The following TNRC6A variants were observed in gnomAD, a reference collection of about 807,000 sequenced individuals.
The protein encoded by TNRC6A is trinucleotide repeat containing adaptor 6A.
Under a neutral mutation model 221.2 loss-of-function variants are expected in TNRC6A, and 44 were observed. The observed-to-expected ratio is 0.20, with a 90% CI of 0.16 to 0.26. The LOEUF (loss-of-function observed/expected upper bound fraction) is 0.26. Among genes scored for constraint, TNRC6A ranks in the 10% least tolerant of loss-of-function variants. The pLI is 1.00. For synonymous variants in TNRC6A, 847 were observed against 838.5 expected (o/e 1.01, Z -0.18); for missense variants, 2,199 against 2,404.4 (o/e 0.91, Z 1.79).
At chr16:24,633,838 A>C (rs1261322620) in intron 1 of TNRC6A, among the ~76,000 whole-genome samples, 1 of 150,438 alleles carries the variant, frequency 6.6e-6, no homozygotes, top group Non-Finnish European at 1.5e-5. Context: ...CCTGGAGTGC[A>C]GTGGCATGGT....
At chr16:24,680,651 G>C (rs538458808) in intron 2 of TNRC6A, among the ~76,000 whole-genome samples, 1 of 151,482 alleles carries the variant, frequency 6.6e-6, no homozygotes, top group Non-Finnish European at 1.5e-5. Context: ...TGGAGGCAGA[G>C]GTTGTGGTGA....
chr16:24,767,601 A>G (rs1358634646), intron 4 of TNRC6A, among the ~76,000 whole-genome samples: 2 of 152,210 alleles, frequency 1.3e-5, no homozygotes, highest in East Asian at 3.8e-4. Flanking sequence ...CCAGATTTAG[A>G]AAATAGTTTG....
intron 2 of TNRC6A, among the ~76,000 whole-genome samples, chr16:24,695,086 C>T (rs552063564): frequency 2.0e-4 from 30 of 152,246 alleles, no homozygotes; most frequent in Admixed American, 4.6e-4. Flanking sequence ...CTTGCTGGCA[C>T]GGGAGTGTAC....
intron 21 of TNRC6A, among the ~76,000 whole-genome samples, chr16:24,819,225 C>T (rs562402289): frequency 6.6e-6 from 1 of 152,124 alleles, no homozygotes; most frequent in Non-Finnish European, 1.5e-5. Context: ...TAGCACTGAC[C>T]TAATGCACAC....
chr16:24,679,439 G>A (rs1183433004), intron 2 of TNRC6A, among the ~76,000 whole-genome samples: 2 of 152,008 alleles, frequency 1.3e-5, no homozygotes. Flanking sequence ...AAATAGCTGA[G>A]ACTACAGGCA....
At chr16:24,620,795 T>C (rs1484568466) in intron 1 of TNRC6A, among the ~76,000 whole-genome samples, 1 of 131,718 alleles carries the variant, frequency 7.6e-6, no homozygotes, top group East Asian at 2.3e-4. Context: ...GCAAAAAGAG[T>C]GAAACTCCGG....
At chr16:24,627,315 C>T (rs16973891) in intron 1 of TNRC6A, among the ~76,000 whole-genome samples, 33,400 of 151,868 alleles carry the variant, frequency 0.22, 3,966 homozygotes, top group East Asian at 0.47. Context: ...CAATCCGGGT[C>T]AGCTTTCAAG....
At chr16:24,671,934 A>AAT (rs1410951553) in intron 2 of TNRC6A, among the ~76,000 whole-genome samples, 1 of 152,188 alleles carries the variant, frequency 6.6e-6, no homozygotes, top group Non-Finnish European at 1.5e-5. Flanking sequence ...AACCAAATGC[A>AAT]ATTTCTGATC....
chr16:24,737,956 A>C (rs2056807742), intron 2 of TNRC6A, among the ~76,000 whole-genome samples: 3 of 152,192 alleles, frequency 2.0e-5, no homozygotes, highest in Non-Finnish European at 4.4e-5. Context: ...TGTAAGAGAA[A>C]TATGTTTTAT....
chr16:24,639,834 T>A (rs1368812946), intron 1 of TNRC6A, among the ~76,000 whole-genome samples: 1 of 152,118 alleles, frequency 6.6e-6, no homozygotes, highest in Non-Finnish European at 1.5e-5. Flanking sequence ...TTTGTCTGTT[T>A]TTTGTAGAAA....
chr16:24,682,244 A>T (rs1024141374), intron 2 of TNRC6A, among the ~76,000 whole-genome samples: 3 of 150,556 alleles, frequency 2.0e-5, no homozygotes, highest in East Asian at 1.9e-4. Flanking sequence ...TTTTTTTTTT[A>T]AAGGCAGGGT....
chr16:24,730,362 G>T, intron 2 of TNRC6A, 62 bp downstream of exon 2: 1 of 1,571,060 alleles, frequency 6.4e-7, no homozygotes, highest in Non-Finnish European at 8.6e-7. Context: ...ACTCCGATTC[G>T]CCTTTTCTGG....
rs2056132950 is a variant in TNRC6A at position 24,708,075 on chromosome 16, A to G, written n.403-42651A>G. Among the ~76,000 whole-genome samples the G allele has an allele frequency of 2.0e-5, 3 of 151,804 alleles. No individual in the cohort carries two copies. The South Asian group carries it at 6.2e-4, about 32-fold the overall frequency. On this transcript the variant is annotated intron_variant and non_coding_transcript_variant, in intron 2 of 2. Transcript: ENST00000566108. ...CTCTGTCAAAAAAAAAAAAACACACACACACACAATGAGTGAGAGCAGAAC... is the reference window on the plus strand; with the variant it reads ...CTCTGTCAAAAAAAAAAAAACACACGCACACACAATGAGTGAGAGCAGAAC...
At chr16:24,632,070 C>T (rs1901375087) in intron 1 of TNRC6A, among the ~76,000 whole-genome samples, 1 of 152,044 alleles carries the variant, frequency 6.6e-6, no homozygotes. Context: ...AGGCTGGTCT[C>T]GAACTCCTGG....
chr16:24,800,529 G>A (rs1314269390), intron 11 of TNRC6A, among the ~76,000 whole-genome samples: 1 of 152,198 alleles, frequency 6.6e-6, no homozygotes, highest in Non-Finnish European at 1.5e-5. Flanking sequence ...CATCCTGTGA[G>A]GCTGTGGATA....
intron 11 of TNRC6A, among the ~76,000 whole-genome samples, chr16:24,799,311 G>A (rs1184466613): frequency 1.3e-5 from 2 of 152,136 alleles, no homozygotes; most frequent in Admixed American, 6.5e-5. Context: ...TCAGTCATCC[G>A]CACAGATCAT....
At chr16:24,756,852 A>G (rs2057262754) in intron 3 of TNRC6A, among the ~76,000 whole-genome samples, 1 of 151,968 alleles carries the variant, frequency 6.6e-6, no homozygotes, top group South Asian at 2.1e-4. Flanking sequence ...ATTGGAAGTA[A>G]ATTGTGAAAG....
chr16:24,613,438 CATTTTATTTTATTTTATTTT>C (rs869133147), intron 1 of TNRC6A, among the ~76,000 whole-genome samples: 18,822 of 106,814 alleles, frequency 0.18, 2,508 homozygotes, highest in Non-Finnish European at 0.24. Context: ...ACTATTAAAG[CATTTTATTTTATTTTATTTT>C]ATTTTATTTT....
intron 2 of TNRC6A, among the ~76,000 whole-genome samples, chr16:24,649,733 T>C (rs1311651710): frequency 6.6e-6 from 1 of 151,844 alleles, no homozygotes; most frequent in African/African-American, 2.4e-5. Context: ...TTGAACTTAT[T>C]CCTCCAGTCT....
Sources: allele counts gnomAD v4.1 joint callset (sites outside exome capture counted in the v4.1 genomes callset), GRCh38; gene constraint gnomAD v4.1.1; transcripts MANE v1.5; gene names NCBI Gene and HGNC (gene_info 2026-07-23, HGNC 2026-07-21).